The following RCOR1 variants were observed in gnomAD, a reference collection of about 807,000 sequenced individuals.
RCOR1 encodes the protein REST corepressor 1.
In RCOR1, 12 loss-of-function variants were observed where a neutral mutation model predicts 64.0. That is an observed-to-expected ratio of 0.19 (90% CI 0.12 to 0.30). RCOR1 has a LOEUF of 0.30. RCOR1 is among the 10% of genes least tolerant of loss of function. The pLI is 1.00. For synonymous variants in RCOR1, 279 were observed against 227.2 expected, an observed-to-expected ratio of 1.23 and a Z score of -2.05; for missense variants, 502 against 621.2, an observed-to-expected ratio of 0.81 and a Z score of 2.04.
intron 3 of RCOR1, 44 bp from the exon 4 acceptor site, chr14:102,701,234 T>C: frequency 6.7e-7 from 1 of 1,503,192 alleles, no homozygotes; most frequent in Non-Finnish European, 9.3e-7. Flanking sequence ...TAGGGTGTAC[T>C]CTGTCCCTCA....
chr14:102,688,925 C>T (rs1306548959), intron 3 of RCOR1, among the ~76,000 whole-genome samples: 6 of 152,182 alleles, frequency 3.9e-5, no homozygotes, highest in African/African-American at 1.4e-4. Flanking sequence ...ATCCTCATTC[C>T]AGTTGATCTG....
intron 2 of RCOR1, among the ~76,000 whole-genome samples, chr14:102,671,003 A>G (rs1299518309): frequency 1.3e-5 from 2 of 152,098 alleles, no homozygotes; most frequent in Admixed American, 1.3e-4. Flanking sequence ...TGAACTCCTG[A>G]CCTCAGGTGA....
intron 2 of RCOR1, among the ~76,000 whole-genome samples, chr14:102,644,127 T>G (rs1894430264): frequency 6.6e-6 from 1 of 152,226 alleles, no homozygotes; most frequent in African/African-American, 2.4e-5. Flanking sequence ...GGTGCTGAAG[T>G]GGCCTTGGCT....
intron 2 of RCOR1, chr14:102,655,108 A>AC: frequency 3.1e-5 from 9 of 289,318 alleles, no homozygotes; most frequent in Middle Eastern, 1.8e-3. Context: ...ACCGCGGACA[A>AC]CCTTTTTTTT....
intron 10 of RCOR1, among the ~76,000 whole-genome samples, chr14:102,721,924 C>T (rs1216763646): frequency 1.3e-5 from 2 of 152,178 alleles, no homozygotes; most frequent in Non-Finnish European, 2.9e-5. Context: ...AGAATGTCCC[C>T]AACCCTAGGG....
intron 2 of RCOR1, 29 bp downstream of exon 2, chr14:102,593,354 C>T (rs1432812526): frequency 6.7e-7 from 1 of 1,503,172 alleles, no homozygotes; most frequent in South Asian, 1.3e-5. Flanking sequence ...CGGCCGGCGG[C>T]GGGGATGAGC....
chr14:102,597,621 G>A lies in RCOR1; in HGVS notation c.361+4296G>A, dbSNP rs142779920. Among the ~76,000 whole-genome samples, 1,188 of 140,624 alleles carry A rather than the reference G, an allele frequency of 8.4e-3. 21 individuals carry two copies. The highest frequency in any genetic ancestry group is 0.029 in the African/African-American group (1,092 of 37,192). 92.3% of individuals were successfully genotyped at this position (140,624 alleles called of 152,430 possible). On this transcript the variant is annotated intron_variant, in intron 2 of 11. Transcript: ENST00000262241. ...TGGGATTTCAGGCGTGAGCCACTGC[G>A]CCCGACCTTTTTTTTTTTTTTTTTT...
intron 3 of RCOR1, among the ~76,000 whole-genome samples, chr14:102,683,852 C>T (rs1402137656): frequency 2.6e-5 from 4 of 152,350 alleles, no homozygotes; most frequent in Non-Finnish European, 4.4e-5. Context: ...CCGGGGCACC[C>T]GGCCTGCTCC....
chr14:102,658,236 A>G (rs1360175704), intron 2 of RCOR1, among the ~76,000 whole-genome samples: 3 of 152,118 alleles, frequency 2.0e-5, no homozygotes, highest in African/African-American at 4.8e-5. Flanking sequence ...CGGCTTCCCA[A>G]AGTGTTGGGG....
intron 2 of RCOR1, among the ~76,000 whole-genome samples, chr14:102,645,745 C>G (rs905064026): frequency 6.6e-6 from 1 of 152,152 alleles, no homozygotes; most frequent in African/African-American, 2.4e-5. Flanking sequence ...TTCTGTAGGT[C>G]AGGAATTTAG....
intron 2 of RCOR1, among the ~76,000 whole-genome samples, chr14:102,653,200 G>A (rs1485147362): frequency 6.6e-6 from 1 of 151,994 alleles, no homozygotes; most frequent in Non-Finnish European, 1.5e-5. Flanking sequence ...GGGATTACAG[G>A]CGTGAGCTAC....
intron 2 of RCOR1, among the ~76,000 whole-genome samples, chr14:102,671,530 G>A (rs1189436207): frequency 6.6e-6 from 1 of 152,012 alleles, no homozygotes; most frequent in Non-Finnish European, 1.5e-5. Flanking sequence ...GAAGTAGCTG[G>A]GACTACAGGT....
At chr14:102,684,740 TTA>T (rs1411941428) in intron 3 of RCOR1, among the ~76,000 whole-genome samples, 1 of 152,212 alleles carries the variant, frequency 6.6e-6, no homozygotes, top group Non-Finnish European at 1.5e-5. Flanking sequence ...TTGTATGTAT[TTA>T]TATAAGTGAG....
intron 2 of RCOR1, among the ~76,000 whole-genome samples, chr14:102,623,291 C>G (rs1388036719): frequency 6.6e-6 from 1 of 151,836 alleles, no homozygotes; most frequent in Non-Finnish European, 1.5e-5. Context: ...GTTATTCTTC[C>G]CTCTTCCTTA....
intron 2 of RCOR1, among the ~76,000 whole-genome samples, chr14:102,619,136 T>G: frequency 7.0e-6 from 1 of 143,372 alleles, no homozygotes; most frequent in African/African-American, 2.8e-5. Context: ...CTTTATATTT[T>G]TTGAGACGGA....
Position 102,728,456 on chromosome 14 carries a change from A to G in RCOR1, c.*1950A>G, listed in dbSNP as rs1407079910. The stretch of plus-strand genomic sequence containing the variant: ...CAGCCTAAGTTTGCACATTGCATAA[A>G]GGGTACACTAAGGTATGAGCTGAAG... On this transcript the variant is annotated 3_prime_UTR_variant, in exon 12 of 12. Transcript: ENST00000262241. 1 of 152,154 alleles carries G rather than the reference A, an allele frequency of 6.6e-6. No individual in the cohort carries two copies. Among genetic ancestry groups the G allele is most frequent in the East Asian group, 1.9e-4 (1 of 5,204 alleles). The allele number at this position is 152,154 out of a possible 1,614,324, so 9.4% of individuals were successfully genotyped here.
chr14:102,659,388 A>AT (rs1894787901), intron 2 of RCOR1: 4 of 427,730 alleles, frequency 9.4e-6, no homozygotes, highest in Non-Finnish European at 1.2e-5. Context: ...GTGGGTAACA[A>AT]TATTAACAAC....
intron 4 of RCOR1, among the ~76,000 whole-genome samples, chr14:102,706,379 G>A (rs1286065841): frequency 6.6e-6 from 1 of 151,948 alleles, no homozygotes. Context: ...GTGGAAAATG[G>A]TATCCCATGC....
intron 6 of RCOR1, among the ~76,000 whole-genome samples, chr14:102,709,107 A>G (rs1235910565): frequency 6.6e-6 from 1 of 152,226 alleles, no homozygotes; most frequent in East Asian, 1.9e-4. Context: ...TATATGTAGC[A>G]TAGAGAAGTA....
Sources: gnomAD v4.1 joint callset for allele counts (sites outside exome capture counted in the v4.1 genomes callset) on GRCh38, gnomAD v4.1.1 for gene constraint, MANE v1.5 for transcripts, NCBI Gene and HGNC (gene_info 2026-07-23, HGNC 2026-07-21) for gene names.